SGCZ: variants seen among roughly 807,000 people sequenced by gnomAD.
SGCZ encodes the protein zeta-sarcoglycan.
SGCZ carries 40 observed loss-of-function variants against 41.3 expected under a neutral mutation model. The ratio of observed to expected loss-of-function variants is 0.97; its 90% CI spans 0.75 to 1.26. The LOEUF is 1.26. Among genes scored for constraint, SGCZ ranks in the 50% most tolerant of loss-of-function variants. SGCZ has a pLI of 0.00. For synonymous variants in SGCZ, 206 were observed against 137.5 expected (o/e 1.50, Z -3.49); for missense variants, 552 against 369.8 (o/e 1.49, Z -4.04).
In SGCZ at chr8:14,547,717, C is replaced by G. The variant is rs754837935; in HGVS notation, c.234+7015G>C. Among the ~76,000 whole-genome samples the G allele has an allele frequency of 7.8e-4, 119 of 152,046 alleles. 1 individual carries two copies. The highest frequency in any genetic ancestry group is 3.3e-3 in the Admixed American group (51 of 15,226). The stretch of plus-strand genomic sequence containing the variant: ...CATTTTACAGATGAAGCACCGAAGC[C>G]AGAGAAGTTCAGTAATCAGCACAAG... On this transcript the variant is annotated intron_variant, in intron 2 of 7. Transcript: ENST00000382080.
chr8:14,871,887 T>C (rs1804166503), intron 1 of SGCZ, among the ~76,000 whole-genome samples: 2 of 149,964 alleles, frequency 1.3e-5, no homozygotes, highest in South Asian at 2.1e-4. Flanking sequence ...TATATATGTA[T>C]GTATATATGT....
At chr8:14,408,562 T>C (rs886098792) in intron 2 of SGCZ, among the ~76,000 whole-genome samples, 2 of 152,152 alleles carry the variant, frequency 1.3e-5, no homozygotes, top group African/African-American at 4.8e-5. Context: ...GCAATTCTTT[T>C]CCACAGTGGC....
intron 1 of SGCZ, among the ~76,000 whole-genome samples, chr8:14,831,765 C>T (rs922251685): frequency 3.8e-4 from 14 of 37,104 alleles, no homozygotes; most frequent in African/African-American, 1.2e-3. Context: ...TAAACATATA[C>T]ATATATACAC....
chr8:14,148,652 A>C (rs149479576), intron 5 of SGCZ, among the ~76,000 whole-genome samples: 1 of 152,314 alleles, frequency 6.6e-6, no homozygotes, highest in African/African-American at 2.4e-5. Context: ...CTATTCCAGG[A>C]AATGGAAGAA....
In SGCZ at chr8:14,380,415, A is replaced by C. The variant is rs375922727; in HGVS notation, c.235-56211T>G. On this transcript the variant is annotated intron_variant, in intron 2 of 7. Transcript: ENST00000382080. ...TGATCCATCTGGAATTTATTTTGAT[A>C]TGCAATATGATGAAAGGTTATCAAA... Among the ~76,000 whole-genome samples the C allele has an allele frequency of 1.9e-3, 295 of 152,256 alleles. 1 individual carries two copies. The highest frequency in any genetic ancestry group is 6.9e-3 in the African/African-American group (286 of 41,512).
At chr8:14,912,295 A>C (rs1283772131) in intron 1 of SGCZ, among the ~76,000 whole-genome samples, 3 of 151,982 alleles carry the variant, frequency 2.0e-5, no homozygotes, top group African/African-American at 7.2e-5. Context: ...TGTAGTTTTT[A>C]TAATGCTTAA....
At chr8:14,248,633 T>C (rs1320055015) in intron 3 of SGCZ, among the ~76,000 whole-genome samples, 2 of 152,110 alleles carry the variant, frequency 1.3e-5, no homozygotes, top group Non-Finnish European at 2.9e-5. Context: ...TTCCAATAAA[T>C]CTCTAACTAG....
At chr8:14,249,383 C>G (rs1799209203) in intron 3 of SGCZ, among the ~76,000 whole-genome samples, 1 of 152,084 alleles carries the variant, frequency 6.6e-6, no homozygotes, top group African/African-American at 2.4e-5. Flanking sequence ...GTTTCTCATC[C>G]TCCCTAACTG....
At chr8:14,848,200 G>C (rs1466851510) in intron 1 of SGCZ, among the ~76,000 whole-genome samples, 1 of 152,080 alleles carries the variant, frequency 6.6e-6, no homozygotes, top group Non-Finnish European at 1.5e-5. Context: ...ATTGTTTAGA[G>C]AAATGAAAGA....
intron 2 of SGCZ, among the ~76,000 whole-genome samples, chr8:14,478,338 A>C (rs147241133): frequency 6.6e-6 from 1 of 152,358 alleles, no homozygotes; most frequent in Non-Finnish European, 1.5e-5. Context: ...ATAATGAAAT[A>C]GTATTCAGCA....
intron 1 of SGCZ, among the ~76,000 whole-genome samples, chr8:14,951,557 G>T (rs1447530814): frequency 6.6e-6 from 1 of 151,934 alleles, no homozygotes; most frequent in Non-Finnish European, 1.5e-5. Flanking sequence ...TCTGATAAAA[G>T]TGAGTTTATC....
chr8:14,393,444 T>C (rs1804857897), intron 2 of SGCZ, among the ~76,000 whole-genome samples: 1 of 152,180 alleles, frequency 6.6e-6, no homozygotes. Context: ...GCTGATCAAC[T>C]GGAAAGCCAA....
chr8:14,586,750 T>C (rs1805071759), intron 1 of SGCZ, among the ~76,000 whole-genome samples: 1 of 152,156 alleles, frequency 6.6e-6, no homozygotes, highest in Non-Finnish European at 1.5e-5. Flanking sequence ...CACTTTCTTT[T>C]ATGAAATATC....
At chr8:14,410,726 T>A (rs1006395374) in intron 2 of SGCZ, among the ~76,000 whole-genome samples, 1 of 152,080 alleles carries the variant, frequency 6.6e-6, no homozygotes, top group Non-Finnish European at 1.5e-5. Flanking sequence ...TGTATGCCTG[T>A]GTAATAAACC....
chr8:14,832,496 C>G (rs1019900901), intron 1 of SGCZ, among the ~76,000 whole-genome samples: 2 of 149,062 alleles, frequency 1.3e-5, no homozygotes, highest in African/African-American at 4.9e-5. Context: ...AGATGGGTAG[C>G]ATTTTTTTTA....
intron 1 of SGCZ, among the ~76,000 whole-genome samples, chr8:14,968,116 G>T (rs1801178482): frequency 6.6e-6 from 1 of 152,030 alleles, no homozygotes; most frequent in Non-Finnish European, 1.5e-5. Flanking sequence ...TCATCAGATT[G>T]GTTAAAATGA....
At chr8:14,469,403 G>A (rs1563349792) in intron 2 of SGCZ, among the ~76,000 whole-genome samples, 1 of 152,002 alleles carries the variant, frequency 6.6e-6, no homozygotes, top group African/African-American at 2.4e-5. Flanking sequence ...TCTCACATAT[G>A]CATGGAACAT....
At chr8:14,840,906 T>C (rs1802882480) in intron 1 of SGCZ, among the ~76,000 whole-genome samples, 1 of 152,112 alleles carries the variant, frequency 6.6e-6, no homozygotes, top group South Asian at 2.1e-4. Context: ...TAATAATATT[T>C]ATTTTATTTT....
chr8:15,198,146 T>A (rs1044984540), intron 1 of SGCZ, among the ~76,000 whole-genome samples: 1 of 151,234 alleles, frequency 6.6e-6, no homozygotes, highest in Non-Finnish European at 1.5e-5. Context: ...AGAGACTATA[T>A]ATATTAATCT....
Sources: gnomAD v4.1 joint callset for allele counts (sites outside exome capture counted in the v4.1 genomes callset) on GRCh38, gnomAD v4.1.1 for gene constraint, MANE v1.5 for transcripts, NCBI Gene and HGNC (gene_info 2026-07-23, HGNC 2026-07-21) for gene names.